SUMF1: variants seen among roughly 807,000 people sequenced by gnomAD.
The protein encoded by SUMF1 is sulfatase modifying factor 1, also known as formylglycine-generating enzyme.
In SUMF1, 48 loss-of-function variants were observed where a neutral mutation model predicts 47.6. That is an observed-to-expected ratio of 1.01 (90% CI 0.80 to 1.28). SUMF1 has a LOEUF of 1.28. Ranked by LOEUF, SUMF1 falls within the 50% of genes most tolerant of loss-of-function variation. SUMF1 has a pLI of 0.00. For synonymous variants in SUMF1, 230 were observed against 192.1 expected (o/e 1.20, Z -1.63); for missense variants, 571 against 485.4 (o/e 1.18, Z -1.66).
intron 8 of SUMF1, among the ~76,000 whole-genome samples, chr3:4,111,000 A>T (rs1211983246): frequency 6.7e-6 from 1 of 150,262 alleles, no homozygotes; most frequent in Non-Finnish European, 1.5e-5. Flanking sequence ...TAATAATAAA[A>T]AAAGAAACTT....
intron 8 of SUMF1, among the ~76,000 whole-genome samples, chr3:4,292,138 T>G (rs969492409): frequency 1.3e-5 from 2 of 151,482 alleles, no homozygotes; most frequent in African/African-American, 4.9e-5. Context: ...AAATTTTCCT[T>G]ATTTATCAAT....
intron 1 of SUMF1, among the ~76,000 whole-genome samples, chr3:4,460,232 A>T (rs567209757): frequency 1.3e-5 from 2 of 152,340 alleles, no homozygotes; most frequent in East Asian, 3.9e-4. Flanking sequence ...GAAATATATA[A>T]GAAATGCATG....
At chr3:4,412,583 G>C (rs568469260) in intron 6 of SUMF1, among the ~76,000 whole-genome samples, 1 of 152,160 alleles carries the variant, frequency 6.6e-6, no homozygotes, top group East Asian at 1.9e-4. Flanking sequence ...AGGAGCAAGT[G>C]CGGTTAAAAG....
At chr3:4,209,548 T>C (rs1320425824) in intron 8 of SUMF1, among the ~76,000 whole-genome samples, 1 of 151,950 alleles carries the variant, frequency 6.6e-6, no homozygotes, top group Non-Finnish European at 1.5e-5. Context: ...CTAAGAAAAA[T>C]GTTTATAATT....
At chr3:4,316,930 G>A in intron 8 of SUMF1, 1 of 1,549,390 alleles carries the variant, frequency 6.5e-7, no homozygotes, top group South Asian at 1.2e-5. Flanking sequence ...TTGGTCAACA[G>A]AAAGGGCCCA....
chr3:4,340,645 T>A (rs982341430), intron 8 of SUMF1, among the ~76,000 whole-genome samples: 1 of 152,104 alleles, frequency 6.6e-6, no homozygotes, highest in Non-Finnish European at 1.5e-5. Flanking sequence ...CTTGCACTAA[T>A]GAAGATGGAG....
At chr3:4,108,384 A>C (rs2125067174) in intron 8 of SUMF1, among the ~76,000 whole-genome samples, 1 of 152,234 alleles carries the variant, frequency 6.6e-6, no homozygotes, top group East Asian at 1.9e-4. Flanking sequence ...TGGTGCTGAG[A>C]AGAATGTATA....
intron 8 of SUMF1, among the ~76,000 whole-genome samples, chr3:4,327,353 T>C (rs1698966387): frequency 6.6e-6 from 1 of 152,208 alleles, no homozygotes; most frequent in South Asian, 2.1e-4. Context: ...CTGCCTTTAA[T>C]AGCACCCAGA....
At chr3:4,177,810 GA>G (rs1417816270) in intron 8 of SUMF1, among the ~76,000 whole-genome samples, 1 of 151,874 alleles carries the variant, frequency 6.6e-6, no homozygotes, top group Non-Finnish European at 1.5e-5. Context: ...TGATAAAGAA[GA>G]AAAGAGAGAA....
intron 8 of SUMF1, among the ~76,000 whole-genome samples, chr3:4,228,627 A>T (rs546970522): frequency 2.0e-5 from 3 of 152,282 alleles, no homozygotes; most frequent in African/African-American, 7.2e-5. Flanking sequence ...GTGGTTACTG[A>T]GAAGTTCAAA....
chr3:4,219,694 CA>C (rs1177493896), intron 8 of SUMF1, among the ~76,000 whole-genome samples: 4 of 152,118 alleles, frequency 2.6e-5, no homozygotes, highest in Non-Finnish European at 5.9e-5. Flanking sequence ...CAGTTTTTCT[CA>C]ATATTGTTTC....
At chr3:4,175,853 TG>T (rs550211558) in intron 8 of SUMF1, among the ~76,000 whole-genome samples, 75 of 152,250 alleles carry the variant, frequency 4.9e-4, no homozygotes, top group Non-Finnish European at 9.4e-4. Flanking sequence ...AATGACCTGG[TG>T]GAGCTGAAAA....
At chr3:4,094,884 A>T (rs1388480629) in intron 8 of SUMF1, among the ~76,000 whole-genome samples, 2 of 152,144 alleles carry the variant, frequency 1.3e-5, no homozygotes, top group African/African-American at 2.4e-5. Flanking sequence ...GGCTGACTCC[A>T]AGCCATGCTA....
chr3:4,135,034 A>G (rs1482121621), intron 8 of SUMF1, among the ~76,000 whole-genome samples: 1 of 152,170 alleles, frequency 6.6e-6, no homozygotes, highest in African/African-American at 2.4e-5. Flanking sequence ...GCCGAATTCT[A>G]CCAGAGGTAC....
chr3:4,234,120 C>T (rs1040940392), intron 8 of SUMF1, among the ~76,000 whole-genome samples: 3 of 152,008 alleles, frequency 2.0e-5, no homozygotes, highest in Non-Finnish European at 2.9e-5. Flanking sequence ...TTTAATTTAC[C>T]CATAGTTACA....
At chr3:4,279,636 G>C (rs1271711861) in intron 8 of SUMF1, among the ~76,000 whole-genome samples, 1 of 151,828 alleles carries the variant, frequency 6.6e-6, no homozygotes, top group Non-Finnish European at 1.5e-5. Flanking sequence ...CATCACAGCA[G>C]AGCTGGAAGC....
rs577802688 is a variant in SUMF1 at position 4,368,512 on chromosome 3, A to G, written c.1015-6258T>C. Among the ~76,000 whole-genome samples the G allele has an allele frequency of 2.6e-5, 4 of 152,226 alleles. No homozygotes were observed. In the South Asian group the frequency reaches 8.3e-4, roughly 32 times the overall value. The stretch of plus-strand genomic sequence containing the variant: ...GTATATACCCAAAGGACTATAAATC[A>G]TGCTGCTATAAAGACACATGCACAC... On this transcript the variant is annotated intron_variant, in intron 8 of 8. Coordinates refer to ENST00000272902, the MANE Select transcript of SUMF1 (RefSeq NM_182760.4).
intron 8 of SUMF1, among the ~76,000 whole-genome samples, chr3:4,337,908 C>A (rs544107125): frequency 6.6e-6 from 1 of 152,138 alleles, no homozygotes; most frequent in African/African-American, 2.4e-5. Context: ...ACCTCCCTCC[C>A]AGTAAACCCC....
intron 8 of SUMF1, among the ~76,000 whole-genome samples, chr3:4,073,241 C>T (rs1010188065): frequency 6.6e-6 from 1 of 152,152 alleles, no homozygotes; most frequent in African/African-American, 2.4e-5. Flanking sequence ...AACTAAGATT[C>T]ATAAGCAAAG....
Sources: allele counts gnomAD v4.1 joint callset (sites outside exome capture counted in the v4.1 genomes callset), GRCh38; gene constraint gnomAD v4.1.1; transcripts MANE v1.5; gene names NCBI Gene and HGNC (gene_info 2026-07-23, HGNC 2026-07-21).